ZNF705G: variants seen among roughly 807,000 people sequenced by gnomAD.
The protein encoded by ZNF705G is zinc finger protein 705G.
ZNF705G carries 23 observed loss-of-function variants against 19.6 expected under a neutral mutation model. The ratio of observed to expected loss-of-function variants is 1.17; its 90% CI spans 0.84 to 1.66. ZNF705G has a LOEUF of 1.66. Among genes scored for constraint, ZNF705G ranks in the 40% most tolerant of loss-of-function variants. The probability of loss-of-function intolerance (pLI) is 0.00; values close to 1 mark genes in which losing one functional copy is unlikely to be tolerated. For synonymous variants in ZNF705G, 146 were observed against 117.7 expected (o/e 1.24, Z -1.56); for missense variants, 457 against 354.4 (o/e 1.29, Z -2.32).
chr8:7,367,742 A>T (rs898507763), intron 2 of ZNF705G, among the ~76,000 whole-genome samples: 7 of 148,854 alleles, frequency 4.7e-5, no homozygotes, highest in African/African-American at 1.8e-4. Flanking sequence ...ATAAACTTCC[A>T]CTCCTGCTCT....
At chr8:7,359,420 C>G (rs573103720) in intron 6 of ZNF705G, among the ~76,000 whole-genome samples, 199 bp downstream of exon 6, 2 of 149,700 alleles carry the variant, frequency 1.3e-5, no homozygotes, top group African/African-American at 5.1e-5. Context: ...TGCACTTGTT[C>G]TATTTTAGAG....
rs1279778872 is a variant in ZNF705G, at chr8:7,356,400, T to C, written c.*1576A>G. On this transcript the variant is annotated 3_prime_UTR_variant, in exon 7 of 7. Transcript: ENST00000400156. ...GGCTCCAGGGACAAAATTTCAAGAGTCTTCTGAGGGATAGAAGAGAAGAGC... is the reference window on the plus strand; with the variant it reads ...GGCTCCAGGGACAAAATTTCAAGAGCCTTCTGAGGGATAGAAGAGAAGAGC... 8 of 149,540 alleles carry C rather than the reference T, an allele frequency of 5.3e-5. 1 individual carries two copies. The highest frequency in any genetic ancestry group is 1.8e-4 in the African/African-American group (7 of 38,736). 9.3% of individuals were successfully genotyped at this position (149,540 alleles called of 1,614,324 possible). A position where few individuals can be genotyped will look rare whatever the true frequency, so the allele number is the denominator to read the frequency against.
At chr8:7,361,494 A>T (rs1198276395) in intron 3 of ZNF705G, among the ~76,000 whole-genome samples, 3 of 149,816 alleles carry the variant, frequency 2.0e-5, no homozygotes, top group Non-Finnish European at 4.4e-5. Flanking sequence ...GATATTTTTC[A>T]GTAATGTGTT....
rs1461812340 is a variant in ZNF705G, at chr8:7,355,897, A to G, written c.*2079T>C. 9 of 149,696 alleles carry G rather than the reference A, an allele frequency of 6.0e-5. No homozygotes were observed. Among genetic ancestry groups the G allele is most frequent in the Non-Finnish European group, 1.0e-4 (7 of 68,038 alleles). 9.3% of individuals were successfully genotyped at this position (149,696 alleles called of 1,614,324 possible). A position where few individuals can be genotyped will look rare whatever the true frequency, so the allele number is the denominator to read the frequency against. ...CTTGCTCATTATCCTCACACTTGAC[A>G]TAAACCCTGGCTGCAGAGTAAAATC... On this transcript the variant is annotated 3_prime_UTR_variant, in exon 7 of 7. Coordinates refer to ENST00000400156, the MANE Select transcript of ZNF705G (RefSeq NM_001164457.3).
rs370213347 is a variant in ZNF705G, at chr8:7,379,935, C to T, written c.-72+1517G>A. Among the ~76,000 whole-genome samples, 9 of 143,454 alleles carry T rather than the reference C, an allele frequency of 6.3e-5. No individual in the cohort carries two copies. The East Asian group carries it at 1.2e-3, about 19-fold the overall frequency. The allele number at this position is 143,454 out of a possible 152,430, so 94.1% of individuals were successfully genotyped here. ...GGGCCCAACAGCCCCTGCATCTCCA[C>T]ATCTCTGGACCCTCAGTGACATTCC... On this transcript the variant is annotated intron_variant, in intron 2 of 6. Coordinates refer to ENST00000400156, the MANE Select transcript of ZNF705G (RefSeq NM_001164457.3).
At chr8:7,369,363 A>T (rs1806996745) in intron 2 of ZNF705G, among the ~76,000 whole-genome samples, 1 of 149,408 alleles carries the variant, frequency 6.7e-6, no homozygotes. Context: ...AGCAGTGCAG[A>T]GGGAAAATGT....
chr8:7,369,188 A>C (rs1286259694), intron 2 of ZNF705G, among the ~76,000 whole-genome samples: 1 of 149,502 alleles, frequency 6.7e-6, no homozygotes, highest in African/African-American at 2.6e-5. Flanking sequence ...GTCACCCCAC[A>C]ACATGTGGGA....
chr8:7,372,393 GA>G (rs1489021672), intron 2 of ZNF705G, among the ~76,000 whole-genome samples: 2 of 151,312 alleles, frequency 1.3e-5, no homozygotes, highest in Non-Finnish European at 2.9e-5. Context: ...AGCACCTAAG[GA>G]AGACAATTTT....
intron 6 of ZNF705G, 63 bp from the exon 7 acceptor site, chr8:7,358,623 C>T: frequency 1.3e-6 from 2 of 1,597,648 alleles, no homozygotes; most frequent in Non-Finnish European, 8.5e-7. Flanking sequence ...ATTCATTTCA[C>T]TACCTTTGAA....
intron 2 of ZNF705G, among the ~76,000 whole-genome samples, chr8:7,364,465 T>C (rs1442654651): frequency 6.7e-6 from 1 of 149,666 alleles, no homozygotes; most frequent in Non-Finnish European, 1.5e-5. Flanking sequence ...TGATTACAGT[T>C]TATTTACCAA....
At position 7,360,198 on chromosome 8, in the gene ZNF705G, G is replaced by A. The variant is rs758811563; in HGVS notation, c.235+39C>T. 7.1e-5 allele frequency: 113 copies of A among 1,584,992 alleles called. 1 individual carries two copies. Among genetic ancestry groups the A allele is most frequent in the Non-Finnish European group, 9.0e-5 (106 of 1,174,668 alleles). On this transcript the variant is annotated intron_variant, in intron 5 of 6. Transcript: ENST00000400156. Reference sequence around the variant, plus strand: ...TCAACTGATATTATTCATTGACAAAGCACCTCCTCCTATTAGAGCACAGGA... The same window carrying A: ...TCAACTGATATTATTCATTGACAAAACACCTCCTCCTATTAGAGCACAGGA...
intron 1 of ZNF705G, among the ~76,000 whole-genome samples, chr8:7,382,023 A>G (rs1807521240): frequency 6.6e-6 from 1 of 152,196 alleles, no homozygotes; most frequent in Non-Finnish European, 1.5e-5. Flanking sequence ...TTCTACATGT[A>G]TGTGGCTAAG....
In ZNF705G at chr8:7,369,925, A is replaced by G. The variant is rs562762689; in HGVS notation, c.-71-6908T>C. Among the ~76,000 whole-genome samples the G allele has an allele frequency of 5.1e-4, 76 of 149,388 alleles. 2 individuals carry two copies. Among genetic ancestry groups the G allele is most frequent in the South Asian group, 2.5e-3 (12 of 4,748 alleles). The stretch of plus-strand genomic sequence containing the variant: ...GGTGGGGACAAAGGCCTGAAAAACT[A>G]TCTATTGGGTATTATGTTTTCTATC... On this transcript the variant is annotated intron_variant, in intron 2 of 6. Transcript: ENST00000400156.
chr8:7,363,531 T>C (rs1281774950), intron 2 of ZNF705G, among the ~76,000 whole-genome samples: 1 of 149,800 alleles, frequency 6.7e-6, no homozygotes, highest in Non-Finnish European at 1.5e-5. Context: ...AGTAAGAATC[T>C]GTTTTAGGGT....
rs1413516841 is a variant in ZNF705G, at chr8:7,361,187, C to T, written c.62G>A (p.Trp21Ter). The T allele has an allele frequency of 1.3e-6, 2 of 1,593,086 alleles. No individual in the cohort carries two copies. The highest frequency in any genetic ancestry group is 1.7e-6 in the Non-Finnish European group (2 of 1,179,440). The change falls in exon 4 of 7, where the codon TGG becomes TAG. Residue 21 changes from tryptophan (W) to a stop codon, truncating the protein, a stop_gained. Coordinates refer to ENST00000400156, the MANE Select transcript of ZNF705G (RefSeq NM_001164457.3). LOFTEE classifies it high-confidence loss of function. ...TCTCTTGGATGTGTCCATCATGGCC[C>T]ACTCTTCCTGGGTGAAGTCAATAGC... ...DVAIDFTQEE[W>*]AMMDTSKRKL...
rs1292410377 is a variant in ZNF705G at position 7,368,089 on chromosome 8, T to A, written c.-71-5072A>T. On this transcript the variant is annotated intron_variant, in intron 2 of 6. Coordinates refer to ENST00000400156, the MANE Select transcript of ZNF705G (RefSeq NM_001164457.3). ...ATGCATCCTCTGATTGGCTTCCCCT[T>A]ATATATGAAAAAAAAATTAATAAAC... Among the ~76,000 whole-genome samples the A allele has an allele frequency of 2.7e-4, 40 of 149,318 alleles. 1 individual carries two copies. Among genetic ancestry groups the A allele is most frequent in the Non-Finnish European group, 3.4e-4 (23 of 67,992 alleles).
chr8:7,368,307 T>C (rs1585418843), intron 2 of ZNF705G, among the ~76,000 whole-genome samples: 1 of 149,450 alleles, frequency 6.7e-6, no homozygotes, highest in African/African-American at 2.6e-5. Flanking sequence ...TTAATTCCTT[T>C]TTTTAATCAT....
rs1427637798 is a variant in ZNF705G at position 7,356,347 on chromosome 8, G to C, written c.*1629C>G. On this transcript the variant is annotated 3_prime_UTR_variant, in exon 7 of 7. Transcript: ENST00000400156. ...ACCAGAATAAAATGTGGGGTGTTAT[G>C]AGATGAACTGCTACTTCCAGTTAGA... 6.7e-6 allele frequency: 1 copy of C among 149,720 alleles called. No individual in the cohort carries two copies. The highest frequency in any genetic ancestry group is 6.6e-5 in the Admixed American group (1 of 15,242). 9.3% of individuals were successfully genotyped at this position (149,720 alleles called of 1,614,324 possible).
In ZNF705G at chr8:7,356,714, A is replaced by G. The variant is rs1164475035; in HGVS notation, c.*1262T>C. The G allele has an allele frequency of 6.7e-6, 1 of 149,706 alleles. No individual in the cohort carries two copies. The highest frequency in any genetic ancestry group is 1.5e-5 in the Non-Finnish European group (1 of 68,046). The allele number at this position is 149,706 out of a possible 1,614,324, so 9.3% of individuals were successfully genotyped here. A position where few individuals can be genotyped will look rare whatever the true frequency, so the allele number is the denominator to read the frequency against. Reference sequence around the variant, plus strand: ...AGAAGTTGGGGTAGAATCTCGACCAAGAATCTCACCCAAGGAGTGCAGGTG... The same window carrying G: ...AGAAGTTGGGGTAGAATCTCGACCAGGAATCTCACCCAAGGAGTGCAGGTG... On this transcript the variant is annotated 3_prime_UTR_variant, in exon 7 of 7. Transcript: ENST00000400156.
Sources: gnomAD v4.1 joint callset for allele counts (sites outside exome capture counted in the v4.1 genomes callset) on GRCh38, gnomAD v4.1.1 for gene constraint, MANE v1.5 for transcripts, NCBI Gene and HGNC (gene_info 2026-07-23, HGNC 2026-07-21) for gene names.